Variants in MARK1 observed in about 807,000 individuals in gnomAD.
The protein encoded by MARK1 is serine/threonine-protein kinase MARK1.
A neutral mutation model predicts 96.3 loss-of-function variants in MARK1; 40 were observed. The ratio of observed to expected loss-of-function variants is 0.42; its 90% confidence interval spans 0.32 to 0.54. The LOEUF (loss-of-function observed/expected upper bound fraction) is 0.54, where lower values mean the gene tolerates loss of function less well. MARK1 is among the 20% of genes least tolerant of loss of function. The pLI, the probability that MARK1 is intolerant of heterozygous loss-of-function variation, is 0.16. For missense variants in MARK1, 719 were observed against 984.6 expected (o/e 0.73, Z 3.61); for synonymous variants, 317 against 341.2 (o/e 0.93, Z 0.78).
chr1:220,629,144 T>C (rs1055403746), intron 9 of MARK1, among the ~76,000 whole-genome samples: 1 of 152,118 alleles, frequency 6.6e-6, no homozygotes, highest in Non-Finnish European at 1.5e-5. Flanking sequence ...ATTAGTGGAA[T>C]ATTGGCAAGT....
In MARK1 at chr1:220,528,790, G is replaced by A; in HGVS notation, c.-33G>A. 2.6e-6 allele frequency: 4 copies of A among 1,544,224 alleles called. No homozygotes were observed. The highest frequency in any genetic ancestry group is 1.2e-5 in the South Asian group (1 of 83,592). On this transcript the variant is annotated 5_prime_UTR_variant, in exon 1 of 18. Coordinates refer to ENST00000366917, the MANE Select transcript of MARK1 (RefSeq NM_018650.5). ...GGGCCCGCACCACAGCCCGGCCGGC[G>A]AGACCCCGGCCAGACCCCGCTGCCC...
intron 1 of MARK1, among the ~76,000 whole-genome samples, chr1:220,562,851 G>A (rs1026709774): frequency 6.6e-6 from 1 of 152,138 alleles, no homozygotes; most frequent in African/African-American, 2.4e-5. Flanking sequence ...TGTAGTATTT[G>A]GCAGAGCAAA....
chr1:220,638,480 G>T (rs1668092887), intron 13 of MARK1, among the ~76,000 whole-genome samples: 1 of 152,010 alleles, frequency 6.6e-6, no homozygotes, highest in South Asian at 2.1e-4. Context: ...TTTATATGCT[G>T]TCTTGTTTCA....
intron 1 of MARK1, among the ~76,000 whole-genome samples, chr1:220,537,272 T>C (rs1660771423): frequency 7.9e-6 from 1 of 126,682 alleles, no homozygotes; most frequent in Admixed American, 9.7e-5. Context: ...CAGAGTGTGA[T>C]GTTCCCCTTC....
chr1:220,573,641 A>G (rs1663632012), intron 1 of MARK1, among the ~76,000 whole-genome samples: 1 of 151,996 alleles, frequency 6.6e-6, no homozygotes, highest in African/African-American at 2.4e-5. Context: ...ATTTTTATTC[A>G]GTCTTCCTGT....
At chr1:220,582,304 C>T (rs934656724) in intron 3 of MARK1, among the ~76,000 whole-genome samples, 1 of 152,152 alleles carries the variant, frequency 6.6e-6, no homozygotes, top group Non-Finnish European at 1.5e-5. Flanking sequence ...TTATGGGTCT[C>T]TTCTTGGAGA....
intron 1 of MARK1, among the ~76,000 whole-genome samples, chr1:220,568,201 G>T (rs973480174): frequency 6.6e-6 from 1 of 151,920 alleles, no homozygotes; most frequent in African/African-American, 2.4e-5. Flanking sequence ...TTCTTATGAG[G>T]GTGAGAAAAC....
chr1:220,631,038 A>G lies in MARK1; in HGVS notation c.913A>G (p.Ile305Val). ...NPIKRGSLEQ[I>V]MKDRWMNVGH... The stretch of plus-strand genomic sequence containing the variant: ...TAATGTAGAGTTTATTTCCTAGCAA[A>G]TAATGAAAGATCGATGGATGAATGT... Residue 305 changes from isoleucine (I) to valine (V), a missense_variant, in exon 10 of 18, where the codon ATA becomes GTA. Physicochemically the swap from Ile to Val is conservative, Grantham distance 29. Coordinates refer to ENST00000366917, the MANE Select transcript of MARK1 (RefSeq NM_018650.5). 4 of 1,606,622 alleles carry G rather than the reference A, an allele frequency of 2.5e-6. No individual in the cohort carries two copies. Among genetic ancestry groups the G allele is most frequent in the Non-Finnish European group, 3.4e-6 (4 of 1,173,666 alleles).
chr1:220,630,219 A>G (rs766485210), intron 9 of MARK1, among the ~76,000 whole-genome samples: 22 of 152,138 alleles, frequency 1.4e-4, no homozygotes, highest in Non-Finnish European at 2.4e-4. Flanking sequence ...TCACACAGCA[A>G]GCATGCTTGT....
intron 1 of MARK1, among the ~76,000 whole-genome samples, chr1:220,544,291 C>G (rs890213014): frequency 6.6e-6 from 1 of 152,086 alleles, no homozygotes; most frequent in African/African-American, 2.4e-5. Flanking sequence ...AACTTAATAC[C>G]CAATGCAACA....
At chr1:220,555,186 A>G (rs1183341879) in intron 1 of MARK1, among the ~76,000 whole-genome samples, 1 of 152,218 alleles carries the variant, frequency 6.6e-6, no homozygotes, top group Non-Finnish European at 1.5e-5. Context: ...TTGGTGGATC[A>G]CAGTGGAATT....
At chr1:220,639,912 G>GA (rs202170212) in intron 13 of MARK1, among the ~76,000 whole-genome samples, 4 of 151,102 alleles carry the variant, frequency 2.6e-5, no homozygotes, top group Non-Finnish European at 4.4e-5. Flanking sequence ...AGGGCAAAAA[G>GA]AAAAAAAAAG....
At chr1:220,587,919 T>C (rs1282678087) in intron 3 of MARK1, among the ~76,000 whole-genome samples, 16 of 152,206 alleles carry the variant, frequency 1.1e-4, no homozygotes, top group Admixed American at 1.0e-3. Context: ...GTAGAATTGC[T>C]GGGTTGAAGG....
intron 6 of MARK1, among the ~76,000 whole-genome samples, chr1:220,607,984 A>T (rs1666189015): frequency 1.3e-5 from 2 of 152,102 alleles, no homozygotes; most frequent in African/African-American, 4.8e-5. Flanking sequence ...TTTTGCATTG[A>T]TGTTCTTCAG....
intron 6 of MARK1, among the ~76,000 whole-genome samples, chr1:220,610,864 G>C (rs1666400476): frequency 6.6e-6 from 1 of 152,180 alleles, no homozygotes; most frequent in African/African-American, 2.4e-5. Context: ...GACCCTGTTT[G>C]CCTGGGTATC....
At chr1:220,637,263 T>C (rs1668017783) in intron 13 of MARK1, among the ~76,000 whole-genome samples, 1 of 152,074 alleles carries the variant, frequency 6.6e-6, no homozygotes, top group Non-Finnish European at 1.5e-5. Flanking sequence ...AGGAAAATAA[T>C]GAAAATTCAG....
chr1:220,589,662 ACT>A (rs1206678262), intron 3 of MARK1, among the ~76,000 whole-genome samples: 1 of 152,168 alleles, frequency 6.6e-6, no homozygotes, highest in Non-Finnish European at 1.5e-5. Flanking sequence ...AGTCTAGCAA[ACT>A]CTGGCCTTAA....
intron 1 of MARK1, among the ~76,000 whole-genome samples, chr1:220,541,440 C>T (rs1661140424): frequency 6.6e-6 from 1 of 152,116 alleles, no homozygotes; most frequent in African/African-American, 2.4e-5. Flanking sequence ...TCAATTTGTT[C>T]TATAGTGTTC....
chr1:220,621,072 A>C (rs895024870), intron 9 of MARK1, among the ~76,000 whole-genome samples: 8 of 152,074 alleles, frequency 5.3e-5, no homozygotes, highest in African/African-American at 1.9e-4. Context: ...CATCTTTATT[A>C]TGTAAATATA....
Sources: allele counts gnomAD v4.1 joint callset (sites outside exome capture counted in the v4.1 genomes callset), GRCh38; gene constraint gnomAD v4.1.1; transcripts MANE v1.5; gene names NCBI Gene and HGNC (gene_info 2026-07-23, HGNC 2026-07-21).